The following RAD54L variants were observed in gnomAD, a reference collection of about 807,000 sequenced individuals.
RAD54L encodes RAD54 like, also known as DNA repair and recombination protein RAD54-like.
Under a neutral mutation model 91.6 loss-of-function variants are expected in RAD54L, and 74 were observed. That is an observed-to-expected ratio of 0.81 (90% confidence interval 0.67 to 0.98). The LOEUF (loss-of-function observed/expected upper bound fraction) is 0.98. Among genes scored for constraint, RAD54L ranks in the 50% least tolerant of loss-of-function variants. RAD54L has a pLI of 0.00. For missense variants in RAD54L, 887 were observed against 945.7 expected, an observed-to-expected ratio of 0.94 and a Z score of 0.81; for synonymous variants, 304 against 349.7, an observed-to-expected ratio of 0.87 and a Z score of 1.46.
At chr1:46,271,656 CAA>C (rs922240287) in intron 10 of RAD54L, among the ~76,000 whole-genome samples, 1 of 143,002 alleles carries the variant, frequency 7.0e-6, no homozygotes, top group Non-Finnish European at 1.5e-5. Flanking sequence ...GACTCCGTCT[CAA>C]AAAAAAAAAA....
intron 5 of RAD54L, 144 bp from the exon 6 acceptor site, chr1:46,260,398 G>T (rs1426894771): frequency 1.1e-6 from 1 of 940,228 alleles, no homozygotes. Flanking sequence ...GTAGGAACTT[G>T]CTATGGTTTT....
In RAD54L at chr1:46,263,291, C is replaced by T. The variant is rs1377961973; in HGVS notation, c.891+1906C>T. On this transcript the variant is annotated intron_variant, in intron 8 of 17. Coordinates refer to ENST00000371975, the MANE Select transcript of RAD54L (RefSeq NM_003579.4). This position sits in a 1 kb window ranked among gnomAD's most constrained non-coding sequence, Gnocchi z 4.3. The stretch of plus-strand genomic sequence containing the variant: ...AGTGAGGGTGGCTGGGAGCTTCCTA[C>T]TATAGAGAATTTCCCAGGACTTCCC... Among the ~76,000 whole-genome samples, 1 of 152,118 alleles carries T rather than the reference C, an allele frequency of 6.6e-6. No individual in the cohort carries two copies. The highest frequency in any genetic ancestry group is 1.9e-4 in the East Asian group (1 of 5,200).
rs1659712419 is a variant in RAD54L at position 46,248,524 on chromosome 1, G to C, written c.16G>C (p.Ala6Pro). 6.2e-7 allele frequency: 1 copy of C among 1,614,008 alleles called. No homozygotes were observed. The highest frequency in any genetic ancestry group is 8.5e-7 in the Non-Finnish European group (1 of 1,180,036). MRRSLAPSQLAKRKPE... is the reference protein window; with the variant it reads MRRSLPPSQLAKRKPE... ...TCTCCCTTTACAGAGGAGGAGCTTG[G>C]CTCCCAGCCAGCTGGCCAAGAGAAA... Residue 6 changes from alanine to proline, a missense_variant, in exon 2 of 18, where the codon GCT becomes CCT. Coordinates refer to ENST00000371975, the MANE Select transcript of RAD54L (RefSeq NM_003579.4).
intron 10 of RAD54L, 94 bp from the exon 11 acceptor site, chr1:46,272,372 G>A (rs1005663023): frequency 1.8e-6 from 2 of 1,100,478 alleles, no homozygotes; most frequent in African/African-American, 3.1e-5. Flanking sequence ...CTGTAAAAGA[G>A]GGCTAGTCTT....
intron 3 of RAD54L, among the ~76,000 whole-genome samples, chr1:46,253,720 C>CT (rs3063981): frequency 0.028 from 2,322 of 83,392 alleles, 219 homozygotes; most frequent in African/African-American, 0.088. Context: ...CTTAGGTACT[C>CT]TTTTTTTTTT....
At chr1:46,270,528 T>C (rs1235540209) in intron 9 of RAD54L, 131 bp from the exon 10 acceptor site, 2 of 1,193,676 alleles carry the variant, frequency 1.7e-6, no homozygotes, top group African/African-American at 1.5e-5. Flanking sequence ...TAAACAGAAA[T>C]TGGCCTATAT....
chr1:46,259,543 C>T (rs560749386), intron 4 of RAD54L, among the ~76,000 whole-genome samples: 14 of 152,138 alleles, frequency 9.2e-5, no homozygotes, highest in South Asian at 8.3e-4. Context: ...GAGGCCAAGG[C>T]GGGCAGATCA....
chr1:46,278,280 T>A lies in RAD54L; in HGVS notation c.2242T>A (p.Ter748ArgextTer1). 6.2e-7 allele frequency: 1 copy of A among 1,611,216 alleles called. No homozygotes were observed. Among genetic ancestry groups the A allele is most frequent in the Non-Finnish European group, 8.5e-7 (1 of 1,179,080 alleles). Residue 748 changes from the stop codon to arginine (R), a stop_lost, in exon 18 of 18, where the codon TGA (stop) becomes AGA (arginine). Transcript: ENST00000371975. ...TCATGAGGAGCAGCGGGGCCTCCGC[T>A]GATAACCAGCTGGTCTGGGTGTAGC... is the stretch of plus-strand genomic sequence containing the variant. ...RSHEEQRGLR[*>R]
intron 3 of RAD54L, among the ~76,000 whole-genome samples, chr1:46,254,524 T>C (rs1025833805): frequency 1.3e-5 from 2 of 151,822 alleles, no homozygotes; most frequent in Non-Finnish European, 2.9e-5. Context: ...GGTAAGTGGA[T>C]TGGTGAATGG....
At chr1:46,274,024 G>T in intron 14 of RAD54L, 114 bp from the exon 15 acceptor site, 1 of 1,108,986 alleles carries the variant, frequency 9.0e-7, no homozygotes, top group Non-Finnish European at 1.3e-6. Flanking sequence ...TCCCTTCAGT[G>T]GCTCTCCAAG....
At position 46,278,259 on chromosome 1, in the gene RAD54L, G is replaced by A. The variant is rs777090635; in HGVS notation, c.2221G>A (p.Glu741Lys). 6.2e-6 allele frequency: 10 copies of A among 1,613,380 alleles called. No individual in the cohort carries two copies. The East Asian group carries it at 2.0e-4, about 32-fold the overall frequency. Residue 741 changes from glutamate (E) to lysine (K), a missense_variant, in exon 18 of 18, where the codon GAG becomes AAG. Transcript: ENST00000371975. ...CTTCGTCTTCCACCAGCGTTCTCAT[G>A]AGGAGCAGCGGGGCCTCCGCTGATA... ...ITFVFHQRSH[E>K]EQRGLR
chr1:46,266,988 C>G (rs1244573063), intron 8 of RAD54L, among the ~76,000 whole-genome samples: 1 of 152,172 alleles, frequency 6.6e-6, no homozygotes, highest in African/African-American at 2.4e-5. Context: ...TCATGCTGCC[C>G]CCTGCCTAGT....
chr1:46,269,062 G>A (rs537524581), intron 9 of RAD54L, among the ~76,000 whole-genome samples: 1 of 152,178 alleles, frequency 6.6e-6, no homozygotes, highest in Admixed American at 6.5e-5. Flanking sequence ...CCTATGCCTG[G>A]CTTCCATCTT....
intron 8 of RAD54L, among the ~76,000 whole-genome samples, chr1:46,264,780 C>G (rs1660222316): frequency 1.3e-5 from 2 of 152,202 alleles, no homozygotes; most frequent in East Asian, 3.8e-4. Flanking sequence ...AGTCGTGGCT[C>G]TTTTTCCTAT....
At chr1:46,261,519 G>C (rs1660129336) in intron 8 of RAD54L, 134 bp downstream of exon 8, 1 of 1,152,610 alleles carries the variant, frequency 8.7e-7, no homozygotes, top group Admixed American at 2.0e-5. Flanking sequence ...ACAAGTGACA[G>C]GGAGAGCCTG....
At chr1:46,273,797 ACTGT>A (rs778271209) in intron 14 of RAD54L, 50 bp downstream of exon 14, 16 of 1,560,744 alleles carry the variant, frequency 1.0e-5, no homozygotes, top group Admixed American at 1.9e-5. Flanking sequence ...CCCCTCCCCT[ACTGT>A]CTGTCTAGTT....
chr1:46,260,765 C>T lies in RAD54L; in HGVS notation c.516C>T (p.Arg172=). Residue 172 remains arginine, a synonymous_variant, in exon 7 of 18, where the codon CGC becomes CGT. Transcript: ENST00000371975. ...KFLWECVTSR[R]IPGSHGCIMA... ...TGTGGGAGTGTGTCACCAGTCGGCG[C>T]ATCCCTGGCAGCCATGGCTGCATCA... 6.2e-7 allele frequency: 1 copy of T among 1,614,216 alleles called. No individual in the cohort carries two copies. Among genetic ancestry groups the T allele is most frequent in the African/African-American group, 1.3e-5 (1 of 75,056 alleles).
chr1:46,253,079 A>C (rs1485244776), intron 3 of RAD54L, among the ~76,000 whole-genome samples: 1 of 152,196 alleles, frequency 6.6e-6, no homozygotes, highest in Admixed American at 6.6e-5. Context: ...AAAGGAAAAA[A>C]AATACTTGCG....
chr1:46,277,613 G>C, intron 16 of RAD54L: 1 of 630,970 alleles, frequency 1.6e-6, no homozygotes, highest in South Asian at 1.9e-5. Flanking sequence ...GCCTGGGTGG[G>C]CAGACTATTC....
Sources: gnomAD v4.1 joint callset for allele counts (sites outside exome capture counted in the v4.1 genomes callset) on GRCh38, gnomAD v4.1.1 for gene constraint, Gnocchi (gnomAD v3.1) non-coding constraint, MANE v1.5 for transcripts, NCBI Gene and HGNC (gene_info 2026-07-23, HGNC 2026-07-21) for gene names.